RELN: variants seen among roughly 807,000 people sequenced by gnomAD.
RELN encodes reelin.
Under a neutral mutation model 427.6 loss-of-function variants are expected in RELN, and 108 were observed. The observed-to-expected ratio is 0.25, with a 90% CI of 0.22 to 0.30. The LOEUF (loss-of-function observed/expected upper bound fraction) is 0.30, where lower values mean the gene tolerates loss of function less well. RELN is among the 10% of genes least tolerant of loss of function. The pLI is 1.00. For missense variants in RELN, 3,715 were observed against 4,302.8 expected, an observed-to-expected ratio of 0.86 and a Z score of 3.82; for synonymous variants, 1,524 against 1,513.4, an observed-to-expected ratio of 1.01 and a Z score of -0.16.
chr7:103,550,774 G>A (rs758515240), intron 41 of RELN, among the ~76,000 whole-genome samples: 7 of 152,110 alleles, frequency 4.6e-5, no homozygotes, highest in South Asian at 2.1e-4. Flanking sequence ...GGAGGAACGC[G>A]TGGAAAACCT....
chr7:103,818,227 C>G (rs80352042), intron 3 of RELN, among the ~76,000 whole-genome samples: 1 of 152,132 alleles, frequency 6.6e-6, no homozygotes, highest in Non-Finnish European at 1.5e-5. Context: ...CAAGGCTATG[C>G]ATTCCAGGGA....
At chr7:103,818,102 G>T (rs1291733791) in intron 3 of RELN, among the ~76,000 whole-genome samples, 1 of 151,766 alleles carries the variant, frequency 6.6e-6, no homozygotes, top group Non-Finnish European at 1.5e-5. Context: ...CCTTACAAAA[G>T]AAAAAATGGG....
chr7:103,561,351 A>C (rs1272741728), intron 36 of RELN, among the ~76,000 whole-genome samples, 181 bp downstream of exon 36: 2 of 152,210 alleles, frequency 1.3e-5, no homozygotes, highest in African/African-American at 4.8e-5. Context: ...TTTATGCCCA[A>C]GTAATCATGA....
chr7:103,635,448 T>C lies in RELN; in HGVS notation c.2442A>G (p.Ser814=), dbSNP rs759128344. The change falls in exon 19 of 65, where the codon TCA becomes TCG. Residue 814 remains serine (S), a synonymous_variant. Coordinates refer to ENST00000428762, the MANE Select transcript of RELN (RefSeq NM_005045.4). ...GITWKLLEHY[S]YLSYHEPRII... is the part of the protein sequence containing the mutation. ...ACCTGGGCTCATGATAGCTGAGATA[T>C]GAATAATGCTCCAGGAGTTTCCAAG... 1.4e-5 allele frequency: 22 copies of C among 1,613,866 alleles called. No homozygotes were observed. The highest frequency in any genetic ancestry group is 1.9e-5 in the Non-Finnish European group (22 of 1,179,918).
At chr7:103,493,823 A>G (rs1828743655) in intron 57 of RELN, among the ~76,000 whole-genome samples, 1 of 152,160 alleles carries the variant, frequency 6.6e-6, no homozygotes, top group Non-Finnish European at 1.5e-5. Flanking sequence ...GGAATGTGCA[A>G]AAACTGTTGA....
chr7:103,984,309 T>G (rs1468880853), intron 1 of RELN, among the ~76,000 whole-genome samples: 1 of 152,106 alleles, frequency 6.6e-6, no homozygotes, highest in Non-Finnish European at 1.5e-5. Context: ...AATAAAACAG[T>G]TCTGTAAAAA....
chr7:103,646,854 G>A (rs1333899605), intron 16 of RELN, among the ~76,000 whole-genome samples: 2 of 152,014 alleles, frequency 1.3e-5, no homozygotes, highest in Non-Finnish European at 2.9e-5. Context: ...TATGAACATA[G>A]ATGCAAAAAT....
intron 36 of RELN, among the ~76,000 whole-genome samples, chr7:103,561,274 T>C (rs142806972): frequency 3.3e-5 from 5 of 152,292 alleles, no homozygotes; most frequent in Non-Finnish European, 7.3e-5. Context: ...ACTATCTACA[T>C]ATAAATTTAT....
chr7:103,590,698 G>A (rs962463463), intron 27 of RELN, among the ~76,000 whole-genome samples: 2 of 152,094 alleles, frequency 1.3e-5, no homozygotes, highest in African/African-American at 4.8e-5. Flanking sequence ...GTTACTGTTT[G>A]GTGTACTTGT....
At chr7:103,789,598 G>T (rs907530941) in intron 3 of RELN, among the ~76,000 whole-genome samples, 1 of 152,066 alleles carries the variant, frequency 6.6e-6, no homozygotes, top group Non-Finnish European at 1.5e-5. Context: ...ATCATCACTG[G>T]TCATTAGAGA....
At chr7:103,572,332 C>G (rs1830900942) in intron 30 of RELN, 72 bp from the exon 31 acceptor site, 1 of 850,030 alleles carries the variant, frequency 1.2e-6, no homozygotes, top group East Asian at 2.4e-5. Context: ...CGTTTTGACA[C>G]ATTAGAAAAA....
At chr7:103,583,284 G>A (rs567829509) in intron 28 of RELN, among the ~76,000 whole-genome samples, 3 of 152,158 alleles carry the variant, frequency 2.0e-5, no homozygotes, top group Admixed American at 1.3e-4. Flanking sequence ...GGTCTATCAC[G>A]GAACTAGTTA....
At chr7:103,694,505 G>GCGA (rs1192663360) in intron 10 of RELN, among the ~76,000 whole-genome samples, 17 of 106,972 alleles carry the variant, frequency 1.6e-4, no homozygotes, top group Admixed American at 1.3e-3. Flanking sequence ...GATGATGATG[G>GCGA]CGACGACGAT....
Position 103,604,349 on chromosome 7 carries a change from C to T in RELN, c.3143G>A (p.Cys1048Tyr). 2 of 1,613,754 alleles carry T rather than the reference C, an allele frequency of 1.2e-6. No individual in the cohort carries two copies. The highest frequency in any genetic ancestry group is 1.1e-5 in the South Asian group (1 of 91,076). ...SGHGSCDHGI[C>Y]RCDQGYQGTE... ...TCGTGCTTTCTGGTGCACATACCTGCATATGCCATGATCGCATGAGCCATG... is the reference window on the plus strand; with the variant it reads ...TCGTGCTTTCTGGTGCACATACCTGTATATGCCATGATCGCATGAGCCATG... Residue 1048 changes from cysteine to tyrosine, a missense_variant, in exon 23 of 65, where the codon TGC becomes TAC. Cys to Tyr is a radical substitution (Grantham distance 194). This residue lies in a region of RELN where 2,208 missense variants were observed against 2,361.7 expected (regional missense o/e 0.93). Transcript: ENST00000428762.
intron 28 of RELN, among the ~76,000 whole-genome samples, chr7:103,582,354 A>T (rs1398834246): frequency 1.3e-5 from 2 of 152,230 alleles, no homozygotes; most frequent in Non-Finnish European, 2.9e-5. Flanking sequence ...GGCAAGTCAA[A>T]TTCTTAATTT....
chr7:103,708,620 C>A (rs920438161), intron 8 of RELN, among the ~76,000 whole-genome samples: 6 of 151,762 alleles, frequency 4.0e-5, no homozygotes, highest in African/African-American at 7.3e-5. Flanking sequence ...CCCGCCAACA[C>A]GCCCGGCTAA....
At chr7:103,922,984 T>A (rs1795649525) in intron 1 of RELN, among the ~76,000 whole-genome samples, 1 of 152,126 alleles carries the variant, frequency 6.6e-6, no homozygotes, top group Non-Finnish European at 1.5e-5. Flanking sequence ...AAATTGAAAT[T>A]AGGTACATAA....
At chr7:103,813,107 G>A (rs1792783163) in intron 3 of RELN, among the ~76,000 whole-genome samples, 1 of 152,066 alleles carries the variant, frequency 6.6e-6, no homozygotes, top group African/African-American at 2.4e-5. Flanking sequence ...TCAATGATGA[G>A]GATGTTAATG....
chr7:103,982,505 G>A (rs921974329), intron 1 of RELN, among the ~76,000 whole-genome samples: 2 of 152,136 alleles, frequency 1.3e-5, no homozygotes, highest in African/African-American at 4.8e-5. Context: ...CTGAAGGGAA[G>A]AAAGTGAAAG....
Sources: gnomAD v4.1 joint callset for allele counts (sites outside exome capture counted in the v4.1 genomes callset) on GRCh38, gnomAD v4.1.1 for gene constraint, gnomAD v4.1.1 regional missense constraint, MANE v1.5 for transcripts, NCBI Gene and HGNC (gene_info 2026-07-23, HGNC 2026-07-21) for gene names.